Variants in TMEM65 observed in about 807,000 individuals in gnomAD.
The protein encoded by TMEM65 is transmembrane protein 65.
Under a neutral mutation model 25.4 loss-of-function variants are expected in TMEM65, and 22 were observed. The observed-to-expected ratio is 0.86, with a 90% CI of 0.62 to 1.23. The LOEUF (loss-of-function observed/expected upper bound fraction) is 1.23, where lower values mean the gene tolerates loss of function less well. Ranked by LOEUF, TMEM65 falls within the 50% of genes most tolerant of loss-of-function variation. The probability of loss-of-function intolerance (pLI) is 0.00; values close to 1 mark genes in which losing one functional copy is unlikely to be tolerated. For synonymous variants in TMEM65, 132 were observed against 126.2 expected (o/e 1.05, Z -0.31); for missense variants, 262 against 308.2 (o/e 0.85, Z 1.12).
chr8:124,339,291 G>T (rs770267983), intron 1 of TMEM65, among the ~76,000 whole-genome samples: 2 of 133,476 alleles, frequency 1.5e-5, no homozygotes, highest in Non-Finnish European at 3.1e-5. Context: ...GCCAATCACA[G>T]CAGCTGAGCT....
intron 3 of TMEM65, among the ~76,000 whole-genome samples, chr8:124,326,236 T>G (rs930829313): frequency 6.6e-6 from 1 of 152,018 alleles, no homozygotes; most frequent in African/African-American, 2.4e-5. Context: ...GATATTTTTT[T>G]CTCCTCCCAC....
chr8:124,313,967 T>G lies in TMEM65; in HGVS notation c.716A>C (p.Lys239Thr). The change falls in exon 7 of 7, where the codon AAA becomes ACA. Residue 239 changes from lysine (K) to threonine (T), a missense_variant. Physicochemically the swap from Lys to Thr is moderately conservative, Grantham distance 78. Transcript: ENST00000297632. ...ATAGGTATTCTAAGAGGATTAACTT[T>G]TCGTTTCCAGTTTTTCATCTTCTTC... is the stretch of plus-strand genomic sequence containing the variant. ...GGEEDEKLET[K>T]S is the part of the protein sequence containing the mutation. 1 of 1,611,350 alleles carries G rather than the reference T, an allele frequency of 6.2e-7. No homozygotes were observed. The highest frequency in any genetic ancestry group is 1.1e-5 in the South Asian group (1 of 90,960).
intron 3 of TMEM65, among the ~76,000 whole-genome samples, chr8:124,326,524 G>A (rs775158993): frequency 3.3e-5 from 5 of 151,774 alleles, no homozygotes; most frequent in Admixed American, 1.3e-4. Context: ...CTGCCTTCTC[G>A]GAAACTACTA....
Position 124,356,006 on chromosome 8 carries a change from T to C in TMEM65, c.304+15848A>G, listed in dbSNP as rs546072119. ...AAAAGACAAGAAAGCCCTAAGAAAG[T>C]GCCCATTGTAGTAGAAACCTGAAGG... On this transcript the variant is annotated intron_variant, in intron 1 of 6. Transcript: ENST00000297632. Among the ~76,000 whole-genome samples the C allele has an allele frequency of 5.9e-5, 9 of 152,228 alleles. No homozygotes were observed. The East Asian group carries it at 1.2e-3, about 20-fold the overall frequency.
rs1471382075 is a variant in TMEM65 at position 124,363,214 on chromosome 8, T to A, written c.304+8640A>T. Among the ~76,000 whole-genome samples the A allele has an allele frequency of 2.0e-5, 3 of 152,206 alleles. No homozygotes were observed. In the East Asian group the frequency reaches 5.8e-4, roughly 29 times the overall value. On this transcript the variant is annotated intron_variant, in intron 1 of 6. Transcript: ENST00000297632. The stretch of plus-strand genomic sequence containing the variant: ...GAGAGAGATAAGAAACAAGCTTATC[T>A]GGTAAGTTAAATTACATGGGAAGCA...
At chr8:124,332,605 C>T (rs1814445630) in intron 1 of TMEM65, among the ~76,000 whole-genome samples, 1 of 151,870 alleles carries the variant, frequency 6.6e-6, no homozygotes, top group Non-Finnish European at 1.5e-5. Context: ...GAGGCAATAA[C>T]AAATGTTAAG....
At chr8:124,356,532 A>G (rs1814784252) in intron 1 of TMEM65, among the ~76,000 whole-genome samples, 1 of 152,160 alleles carries the variant, frequency 6.6e-6, no homozygotes, top group South Asian at 2.1e-4. Flanking sequence ...ATCCTTCCTT[A>G]TTGATACTCC....
At position 124,324,036 on chromosome 8, in the gene TMEM65, G is replaced by C. The variant is rs1039223132; in HGVS notation, c.418-661C>G. 4.3e-4 allele frequency among the ~76,000 whole-genome samples: 66 copies of C among 152,016 alleles called. 1 individual carries two copies. Among genetic ancestry groups the C allele is most frequent in the African/African-American group, 1.6e-3 (65 of 41,422 alleles). ...GCTCATATTTTACTTTCATTTTAAAGAGGAGGAACTGAAGTGAAGACAATT... is the reference window on the plus strand; with the variant it reads ...GCTCATATTTTACTTTCATTTTAAACAGGAGGAACTGAAGTGAAGACAATT... On this transcript the variant is annotated intron_variant, in intron 3 of 6. Transcript: ENST00000297632.
intron 3 of TMEM65, among the ~76,000 whole-genome samples, chr8:124,324,053 A>G (rs1814337609): frequency 1.3e-5 from 2 of 152,100 alleles, no homozygotes; most frequent in African/African-American, 4.8e-5. Context: ...AACTGAAGTG[A>G]AGACAATTAA....
intron 1 of TMEM65, among the ~76,000 whole-genome samples, chr8:124,368,745 A>G (rs2131234135): frequency 6.6e-6 from 1 of 152,306 alleles, no homozygotes; most frequent in East Asian, 1.9e-4. Context: ...CCCAGTTAAG[A>G]CTTCAGATGA....
At chr8:124,321,825 C>T (rs1425125286) in intron 5 of TMEM65, among the ~76,000 whole-genome samples, 1 of 152,078 alleles carries the variant, frequency 6.6e-6, no homozygotes, top group African/African-American at 2.4e-5. Flanking sequence ...TAAACTTTTG[C>T]ATACATCAGA....
chr8:124,339,222 A>AATATATATATATAGATATATAT (rs1814555374), intron 1 of TMEM65, among the ~76,000 whole-genome samples: 1 of 19,904 alleles, frequency 5.0e-5, no homozygotes, highest in African/African-American at 2.6e-4. Context: ...AAAAAAAAAA[A>AATATATATATATAGATATATAT]ATATATATAT....
At chr8:124,327,307 C>T in intron 3 of TMEM65, 47 bp downstream of exon 3, 1 of 1,278,138 alleles carries the variant, frequency 7.8e-7, no homozygotes, top group Non-Finnish European at 1.1e-6. Flanking sequence ...ATGTAGACCA[C>T]ATTAATTTAT....
Position 124,320,158 on chromosome 8 carries a change from C to G in TMEM65, c.549G>C (p.Arg183Ser). The G allele has an allele frequency of 1.2e-6, 2 of 1,613,308 alleles. No individual in the cohort carries two copies. The highest frequency in any genetic ancestry group is 1.1e-5 in the South Asian group (1 of 91,060). Residue 183 changes from arginine to serine, a missense_variant, in exon 6 of 7, where the codon AGG becomes AGC. Transcript: ENST00000297632. The stretch of plus-strand genomic sequence containing the variant: ...TGAGATCAGGAATTGACAGGCCTAA[C>G]CTGGAAGCCAATGCTTCAACGTAGC... ...LAGYVEALAS[R>S]LGLSIPDLTP...
chr8:124,350,402 CTT>C (rs779370022), intron 1 of TMEM65, among the ~76,000 whole-genome samples: 2 of 149,270 alleles, frequency 1.3e-5, no homozygotes, highest in African/African-American at 2.5e-5. Context: ...TTGTTTTAAT[CTT>C]TCTCTCTCTC....
chr8:124,350,492 C>T (rs1029613528), intron 1 of TMEM65, among the ~76,000 whole-genome samples: 1 of 151,794 alleles, frequency 6.6e-6, no homozygotes, highest in African/African-American at 2.4e-5. Flanking sequence ...CACACACACA[C>T]ACACACACAC....
chr8:124,349,463 T>C (rs1242095053), intron 1 of TMEM65, among the ~76,000 whole-genome samples: 1 of 152,222 alleles, frequency 6.6e-6, no homozygotes, highest in Admixed American at 6.5e-5. Context: ...TCAGAACAAC[T>C]GGAAACTATT....
At chr8:124,337,641 T>C (rs1814528612) in intron 1 of TMEM65, among the ~76,000 whole-genome samples, 2 of 151,800 alleles carry the variant, frequency 1.3e-5, no homozygotes, top group Non-Finnish European at 2.9e-5. Context: ...AAAGGTTAAA[T>C]AAGATAAGAC....
intron 1 of TMEM65, among the ~76,000 whole-genome samples, chr8:124,333,827 T>C (rs1563593035): frequency 6.6e-6 from 1 of 152,164 alleles, no homozygotes. Flanking sequence ...AGTCACAACA[T>C]GCAGAGCAAC....
Sources: allele counts gnomAD v4.1 joint callset (sites outside exome capture counted in the v4.1 genomes callset), GRCh38; gene constraint gnomAD v4.1.1; transcripts MANE v1.5; gene names NCBI Gene and HGNC (gene_info 2026-07-23, HGNC 2026-07-21).